TSHR: variants seen among roughly 807,000 people sequenced by gnomAD.
The protein encoded by TSHR is thyrotropin receptor.
Under a neutral mutation model 64.1 loss-of-function variants are expected in TSHR, and 51 were observed. The observed-to-expected ratio is 0.80, with a 90% CI of 0.64 to 1.01. The LOEUF (loss-of-function observed/expected upper bound fraction) is 1.01, where lower values mean the gene tolerates loss of function less well. Ranked by LOEUF, TSHR falls within the 50% of genes least tolerant of loss-of-function variation. The probability of loss-of-function intolerance (pLI) is 0.00; values close to 1 mark genes in which losing one functional copy is unlikely to be tolerated. For synonymous variants in TSHR, 361 were observed against 361.9 expected (o/e 1.00, Z 0.03); for missense variants, 877 against 942.8 (o/e 0.93, Z 0.91).
At chr14:81,027,295 A>C (rs1436577182) in intron 1 of TSHR, among the ~76,000 whole-genome samples, 1 of 152,156 alleles carries the variant, frequency 6.6e-6, no homozygotes, top group Non-Finnish European at 1.5e-5. Flanking sequence ...AAAATGGAGA[A>C]CAAAAATATC....
intron 1 of TSHR, chr14:80,982,620 G>T: frequency 9.6e-7 from 1 of 1,038,840 alleles, no homozygotes. Context: ...AAAAAAAATA[G>T]GCCCAAGGAC....
At chr14:81,129,437 A>G (rs1044420216) in intron 8 of TSHR, among the ~76,000 whole-genome samples, 8 of 152,148 alleles carry the variant, frequency 5.3e-5, no homozygotes, top group Admixed American at 2.6e-4. Context: ...GCCAAGCCCA[A>G]CCTTGGTTAG....
At chr14:80,969,832 T>C (rs536798871) in intron 1 of TSHR, among the ~76,000 whole-genome samples, 7 of 152,184 alleles carry the variant, frequency 4.6e-5, no homozygotes, top group Non-Finnish European at 1.0e-4. Flanking sequence ...CCCACCCCCA[T>C]AGATATAGCC....
chr14:81,084,060 G>A (rs1888105177), intron 3 of TSHR, among the ~76,000 whole-genome samples: 1 of 152,136 alleles, frequency 6.6e-6, no homozygotes, highest in Non-Finnish European at 1.5e-5. Context: ...AATTCAAGAT[G>A]AGATTTAGGT....
chr14:80,979,287 C>T (rs2139717696), intron 1 of TSHR, among the ~76,000 whole-genome samples: 1 of 152,250 alleles, frequency 6.6e-6, no homozygotes, highest in East Asian at 1.9e-4. Flanking sequence ...TGGAGTCTAA[C>T]ATCATGCATA....
At chr14:81,136,210 T>C (rs1485387852) in intron 8 of TSHR, among the ~76,000 whole-genome samples, 1 of 152,234 alleles carries the variant, frequency 6.6e-6, no homozygotes, top group Non-Finnish European at 1.5e-5. Flanking sequence ...TCATATGTTA[T>C]GATTACTCTG....
chr14:81,070,176 G>C (rs1031832063), intron 3 of TSHR, among the ~76,000 whole-genome samples: 3 of 151,992 alleles, frequency 2.0e-5, no homozygotes, highest in Non-Finnish European at 2.9e-5. Context: ...GAAAGAATGA[G>C]AAAAGCAATA....
intron 1 of TSHR, among the ~76,000 whole-genome samples, chr14:80,965,662 A>C (rs1200099191): frequency 6.6e-6 from 1 of 152,254 alleles, no homozygotes; most frequent in Non-Finnish European, 1.5e-5. Context: ...AGAATGAGCA[A>C]AATGGTCCCA....
intron 3 of TSHR, among the ~76,000 whole-genome samples, chr14:81,080,887 T>C (rs1422891465): frequency 6.6e-6 from 1 of 152,214 alleles, no homozygotes; most frequent in African/African-American, 2.4e-5. Context: ...ATTCCACTTC[T>C]ATAAATTTTC....
chr14:81,096,195 A>C (rs549151330), intron 6 of TSHR, among the ~76,000 whole-genome samples: 1 of 152,330 alleles, frequency 6.6e-6, no homozygotes, highest in South Asian at 2.1e-4. Context: ...CAAAGGTGAA[A>C]TAACATTTAA....
chr14:80,973,326 AC>A (rs1369383622), intron 1 of TSHR, among the ~76,000 whole-genome samples: 24 of 140,820 alleles, frequency 1.7e-4, no homozygotes, highest in African/African-American at 6.3e-4. Flanking sequence ...AATGGCGTGA[AC>A]CCCGGGGGGC....
chr14:81,027,432 C>A lies in TSHR; in HGVS notation c.171-34716C>A, dbSNP rs551927526. On this transcript the variant is annotated intron_variant, in intron 1 of 9. Coordinates refer to ENST00000298171, the MANE Select transcript of TSHR (RefSeq NM_000369.5). ...ATAATCTAGTAAAGTTAAGGAACTT[C>A]AAAGAAAAATAAAGAACCCAAGAGT... is the stretch of plus-strand genomic sequence containing the variant. Among the ~76,000 whole-genome samples the A allele has an allele frequency of 2.0e-5, 3 of 151,414 alleles. No homozygotes were observed. The South Asian group carries it at 6.3e-4, about 32-fold the overall frequency.
At chr14:80,990,452 A>G (rs919498230) in intron 1 of TSHR, among the ~76,000 whole-genome samples, 3 of 152,236 alleles carry the variant, frequency 2.0e-5, no homozygotes, top group African/African-American at 7.2e-5. Flanking sequence ...TTGGAAAGCC[A>G]GATTCCATGC....
In TSHR at chr14:81,144,362, T is replaced by C; in HGVS notation, c.*9T>C. The C allele has an allele frequency of 6.2e-7, 1 of 1,613,116 alleles. No individual in the cohort carries two copies. The highest frequency in any genetic ancestry group is 8.5e-7 in the Non-Finnish European group (1 of 1,179,140). ...TGCAAACGGTTTTGTAAGTTAACAC[T>C]ACACTACTCACAATGGTAGGGGAAC... On this transcript the variant is annotated 3_prime_UTR_variant, in exon 10 of 10. Transcript: ENST00000298171.
chr14:81,044,971 A>G (rs781296906), intron 1 of TSHR, among the ~76,000 whole-genome samples: 9 of 152,194 alleles, frequency 5.9e-5, no homozygotes, highest in Non-Finnish European at 1.0e-4. Flanking sequence ...AGCACTATTC[A>G]CAATAGCAAA....
At position 80,960,317 on chromosome 14, in the gene TSHR, G is replaced by C. The variant is rs562875243; in HGVS notation, c.170+4467G>C. ...ACAATGGTTTTAGTCACAATCAGTG[G>C]TTGTAATCTGAATAACAATTGTTTC... On this transcript the variant is annotated intron_variant, in intron 1 of 9. Coordinates refer to ENST00000298171, the MANE Select transcript of TSHR (RefSeq NM_000369.5). 4.6e-5 allele frequency among the ~76,000 whole-genome samples: 7 copies of C among 152,364 alleles called. No individual in the cohort carries two copies. In the South Asian group the frequency reaches 1.4e-3, roughly 32 times the overall value.
intron 1 of TSHR, among the ~76,000 whole-genome samples, chr14:80,971,398 T>C (rs1887582027): frequency 6.6e-6 from 1 of 152,194 alleles, no homozygotes; most frequent in South Asian, 2.1e-4. Flanking sequence ...CTATTGTTCC[T>C]AGATAAAGGT....
chr14:80,967,283 A>AATTTT (rs1491461256), intron 1 of TSHR, among the ~76,000 whole-genome samples: 36 of 111,884 alleles, frequency 3.2e-4, no homozygotes, highest in African/African-American at 9.1e-4. Context: ...CCTGACTTAC[A>AATTTT]TTTTTTTTTT....
At chr14:81,061,774 AC>A (rs1487358337) in intron 1 of TSHR, among the ~76,000 whole-genome samples, 1 of 152,040 alleles carries the variant, frequency 6.6e-6, no homozygotes, top group African/African-American at 2.4e-5. Context: ...CTGCACATGT[AC>A]CCCCAAACCT....
Sources: gnomAD v4.1 joint callset for allele counts (sites outside exome capture counted in the v4.1 genomes callset) on GRCh38, gnomAD v4.1.1 for gene constraint, MANE v1.5 for transcripts, NCBI Gene and HGNC (gene_info 2026-07-23, HGNC 2026-07-21) for gene names.